Variants in LGALS2 observed in about 807,000 individuals in gnomAD.
The protein encoded by LGALS2 is galectin-2.
A neutral mutation model predicts 10.1 loss-of-function variants in LGALS2; 7 were observed. That is an observed-to-expected ratio of 0.70 (90% CI 0.40 to 1.31). The LOEUF is 1.31. Among genes scored for constraint, LGALS2 ranks in the 50% most tolerant of loss-of-function variants. The pLI is 0.01. For synonymous variants in LGALS2, 86 were observed against 64.2 expected (o/e 1.34, Z -1.63); for missense variants, 167 against 163.6 (o/e 1.02, Z -0.11).
intron 1 of LGALS2, among the ~76,000 whole-genome samples, chr22:37,576,254 C>G (rs1352415580): frequency 6.6e-6 from 1 of 151,972 alleles, no homozygotes; most frequent in African/African-American, 2.4e-5. Context: ...AGAGTGAGAT[C>G]ATCCTGGCTA....
intron 1 of LGALS2, among the ~76,000 whole-genome samples, chr22:37,574,288 G>A (rs958388165): frequency 2.0e-5 from 3 of 151,960 alleles, no homozygotes; most frequent in African/African-American, 4.8e-5. Context: ...GGCTGAGTCG[G>A]GTGGATCACC....
chr22:37,573,730 GTT>G (rs11311539), intron 1 of LGALS2, among the ~76,000 whole-genome samples: 14,698 of 148,430 alleles, frequency 0.099, 2,308 homozygotes, highest in African/African-American at 0.34. Flanking sequence ...TTCTTTTTTT[GTT>G]TTTTTTTTTG....
chr22:37,578,192 AAT>A (rs1925743250), intron 1 of LGALS2, among the ~76,000 whole-genome samples: 1 of 152,226 alleles, frequency 6.6e-6, no homozygotes, highest in Non-Finnish European at 1.5e-5. Context: ...TCTGGTGTAG[AAT>A]CAACGAATCA....
rs1015908159 is a variant in LGALS2, at chr22:37,578,503, AT to A, written c.6+1396del. Among the ~76,000 whole-genome samples, 9 of 151,792 alleles carry A rather than the reference AT, an allele frequency of 5.9e-5. No individual in the cohort carries two copies. The East Asian group carries it at 9.7e-4, about 16-fold the overall frequency. On this transcript the variant is annotated intron_variant, in intron 1 of 3. Transcript: ENST00000215886. ...GTCTCACTATATTGCCCAAGCTGAGATTTTTTTTTATCTCTATAAAGATCAA... is the reference window on the plus strand; with the variant it reads ...GTCTCACTATATTGCCCAAGCTGAGATTTTTTTTATCTCTATAAAGATCAA...
At chr22:37,571,651 C>G (rs1435047825) in intron 2 of LGALS2, among the ~76,000 whole-genome samples, 198 bp downstream of exon 2, 2 of 152,352 alleles carry the variant, frequency 1.3e-5, no homozygotes, top group Admixed American at 6.5e-5. Context: ...GGCATCAACT[C>G]TGAAATTCTG....
At chr22:37,570,825 A>G in intron 2 of LGALS2, 90 bp from the exon 3 acceptor site, 1 of 1,407,852 alleles carries the variant, frequency 7.1e-7, no homozygotes, top group African/African-American at 1.4e-5. Context: ...CACAAGCTGG[A>G]AGAATCAAAG....
At chr22:37,573,012 A>C (rs370616911) in intron 1 of LGALS2, among the ~76,000 whole-genome samples, 5 of 150,986 alleles carry the variant, frequency 3.3e-5, no homozygotes, top group Non-Finnish European at 1.5e-5. Flanking sequence ...AGTGGCTCAC[A>C]CCTGTAATCC....
In LGALS2 at chr22:37,578,295, G is replaced by T. The variant is rs77842832; in HGVS notation, c.6+1605C>A. Among the ~76,000 whole-genome samples, 934 of 152,102 alleles carry T rather than the reference G, an allele frequency of 6.1e-3. 4 individuals are homozygous for T. Among genetic ancestry groups the T allele is most frequent in the African/African-American group, 0.022 (896 of 41,496 alleles). Reference sequence around the variant, plus strand: ...CTCCAAGACTTGGGTTTTGTGTGTGGGTATATGAGACAAGGTCTCACTCTG... The same window carrying T: ...CTCCAAGACTTGGGTTTTGTGTGTGTGTATATGAGACAAGGTCTCACTCTG... On this transcript the variant is annotated intron_variant, in intron 1 of 3. Coordinates refer to ENST00000215886, the MANE Select transcript of LGALS2 (RefSeq NM_006498.3).
At chr22:37,575,331 C>T (rs1197920700) in intron 1 of LGALS2, among the ~76,000 whole-genome samples, 2 of 151,778 alleles carry the variant, frequency 1.3e-5, no homozygotes, top group African/African-American at 4.8e-5. Flanking sequence ...CCTCAGCCTC[C>T]TAAGTAGCTA....
At chr22:37,572,844 G>A (rs943296334) in intron 1 of LGALS2, among the ~76,000 whole-genome samples, 1 of 151,132 alleles carries the variant, frequency 6.6e-6, no homozygotes, top group Middle Eastern at 3.2e-3. Context: ...GGTGGCGGGC[G>A]CCTGTAATCC....
At chr22:37,572,796 T>TAAA (rs1555945290) in intron 1 of LGALS2, among the ~76,000 whole-genome samples, 1 of 138,468 alleles carries the variant, frequency 7.2e-6, no homozygotes, top group Non-Finnish European at 1.5e-5. Flanking sequence ...ATAATAATAA[T>TAAA]AATAAATAAA....
intron 1 of LGALS2, among the ~76,000 whole-genome samples, chr22:37,572,190 T>C (rs566772068): frequency 1.1e-4 from 17 of 152,360 alleles, no homozygotes; most frequent in African/African-American, 3.6e-4. Context: ...AGGCTCAGTT[T>C]GCCCATCTAT....
intron 1 of LGALS2, among the ~76,000 whole-genome samples, chr22:37,574,287 G>A (rs1034717600): frequency 2.4e-4 from 37 of 151,948 alleles, no homozygotes; most frequent in African/African-American, 5.3e-4. Context: ...AGGCTGAGTC[G>A]GGTGGATCAC....
At chr22:37,574,515 A>G (rs904943195) in intron 1 of LGALS2, among the ~76,000 whole-genome samples, 1 of 151,962 alleles carries the variant, frequency 6.6e-6, no homozygotes. Context: ...AAAAAAAAAA[A>G]AAAAACTCAT....
At position 37,577,530 on chromosome 22, in the gene LGALS2, T is replaced by G. The variant is rs545539348; in HGVS notation, c.6+2370A>C. ...ACATCTGTCTAATTTTTTTTTCTTC[T>G]TCTTCTTCTTTTTTGTTTTTGTATT... On this transcript the variant is annotated intron_variant, in intron 1 of 3. Coordinates refer to ENST00000215886, the MANE Select transcript of LGALS2 (RefSeq NM_006498.3). Among the ~76,000 whole-genome samples, 50 of 124,152 alleles carry G rather than the reference T, an allele frequency of 4.0e-4. No homozygotes were observed. In the Middle Eastern group the frequency reaches 0.012, roughly 29 times the overall value. 81.4% of individuals were successfully genotyped at this position (124,152 alleles called of 152,430 possible).
chr22:37,574,439 C>T (rs1051541228), intron 1 of LGALS2, among the ~76,000 whole-genome samples: 1 of 150,584 alleles, frequency 6.6e-6, no homozygotes, highest in Non-Finnish European at 1.5e-5. Context: ...TCGCTTGAAC[C>T]CAGGAGGTGG....
rs762851860 is a variant in LGALS2 at position 37,570,258 on chromosome 22, G to A, written c.*5C>T. 4 of 1,597,954 alleles carry A rather than the reference G, an allele frequency of 2.5e-6. No homozygotes were observed. The highest frequency in any genetic ancestry group is 1.7e-4 in the Middle Eastern group (1 of 6,008). On this transcript the variant is annotated 3_prime_UTR_variant, in exon 4 of 4. Transcript: ENST00000215886. ...CCAGGACAGAGAATCTCGGCTGGAA[G>A]TCTTTTATTCTTTTAACTTGAAAGA...
intron 1 of LGALS2, among the ~76,000 whole-genome samples, chr22:37,575,228 G>T (rs1284897512): frequency 1.4e-5 from 2 of 144,722 alleles, no homozygotes; most frequent in Admixed American, 6.9e-5. Context: ...TTGAGACAGG[G>T]TCTTGCTCTG....
Position 37,570,361 on chromosome 22 carries a change from G to T in LGALS2, c.301C>A (p.His101Asn). Reference sequence around the variant, plus strand: ...AGCCTGTTGGGAAAAGTCAGCTCGTGCCCATCTGGCAGCTTCACCTTGAAT... The same window carrying T: ...AGCCTGTTGGGAAAAGTCAGCTCGTTCCCATCTGGCAGCTTCACCTTGAAT... ...DKFKVKLPDGHELTFPNRLGH... is the reference protein window; with the variant it reads ...DKFKVKLPDGNELTFPNRLGH... The change falls in exon 4 of 4, where the codon CAC (histidine) becomes AAC (asparagine). Residue 101 changes from histidine (H) to asparagine (N), a missense_variant. Physicochemically the swap from His to Asn is moderately conservative, Grantham distance 68. Transcript: ENST00000215886. The T allele has an allele frequency of 6.2e-7, 1 of 1,614,054 alleles. No homozygotes were observed. Among genetic ancestry groups the T allele is most frequent in the South Asian group, 1.1e-5 (1 of 91,078 alleles).
Sources: gnomAD v4.1 joint callset for allele counts (sites outside exome capture counted in the v4.1 genomes callset) on GRCh38, gnomAD v4.1.1 for gene constraint, MANE v1.5 for transcripts, NCBI Gene and HGNC (gene_info 2026-07-23, HGNC 2026-07-21) for gene names.